The following TLL1 variants were observed in gnomAD, a reference collection of about 807,000 sequenced individuals.
TLL1 encodes tolloid like 1.
TLL1 carries 49 observed loss-of-function variants against 128.2 expected under a neutral mutation model. The ratio of observed to expected loss-of-function variants is 0.38; its 90% confidence interval spans 0.30 to 0.48. TLL1 has a LOEUF of 0.48. Ranked by LOEUF, TLL1 falls within the 20% of genes least tolerant of loss-of-function variation. TLL1 has a pLI of 0.96. For synonymous variants in TLL1, 454 were observed against 418.8 expected (o/e 1.08, Z -1.03); for missense variants, 1,123 against 1,242.0 (o/e 0.90, Z 1.44).
intron 1 of TLL1, among the ~76,000 whole-genome samples, chr4:165,972,747 T>A (rs1735682679): frequency 6.6e-6 from 1 of 152,158 alleles, no homozygotes; most frequent in South Asian, 2.1e-4. Flanking sequence ...CTATCTATCT[T>A]TTCAGGATTC....
intron 1 of TLL1, among the ~76,000 whole-genome samples, chr4:165,956,797 T>A (rs1449052122): frequency 6.6e-6 from 1 of 152,090 alleles, no homozygotes; most frequent in Non-Finnish European, 1.5e-5. Context: ...ATTTGGGAAC[T>A]GATAAATGTC....
chr4:165,956,784 A>G (rs1734820237), intron 1 of TLL1, among the ~76,000 whole-genome samples: 1 of 152,128 alleles, frequency 6.6e-6, no homozygotes, highest in Non-Finnish European at 1.5e-5. Flanking sequence ...TTATAAAAGT[A>G]TAATTTGGGA....
chr4:165,890,259 C>T (rs545542458), intron 1 of TLL1, among the ~76,000 whole-genome samples: 4 of 152,270 alleles, frequency 2.6e-5, no homozygotes, highest in South Asian at 4.1e-4. Flanking sequence ...TGGGTGTGGA[C>T]ACAGCCAAAC....
intron 15 of TLL1, among the ~76,000 whole-genome samples, chr4:166,060,797 C>A (rs1013281673): frequency 1.3e-5 from 2 of 152,052 alleles, no homozygotes; most frequent in Non-Finnish European, 2.9e-5. Flanking sequence ...TGTGCTAGTG[C>A]ACACACACAC....
intron 1 of TLL1, among the ~76,000 whole-genome samples, chr4:165,936,160 T>A (rs116125691): frequency 0.017 from 2,617 of 150,100 alleles, 59 homozygotes; most frequent in African/African-American, 0.06. Flanking sequence ...TAGCCCACTA[T>A]AATTAAAATA....
chr4:166,062,156 C>T (rs552763445), intron 15 of TLL1, among the ~76,000 whole-genome samples: 2 of 152,248 alleles, frequency 1.3e-5, no homozygotes, highest in East Asian at 1.9e-4. Context: ...TAGCATGATG[C>T]CTCCAGCTTT....
At chr4:166,044,294 G>A in intron 12 of TLL1, 2 of 1,366,072 alleles carry the variant, frequency 1.5e-6, no homozygotes, top group Non-Finnish European at 2.0e-6. Flanking sequence ...CCAGTGGGTA[G>A]TAATGAGCAC....
At chr4:166,068,441 A>C (rs1269417798) in intron 16 of TLL1, among the ~76,000 whole-genome samples, 1 of 151,878 alleles carries the variant, frequency 6.6e-6, no homozygotes, top group Non-Finnish European at 1.5e-5. Context: ...AAAGCCAAGT[A>C]ATTCACTGTA....
chr4:165,971,417 TTG>T (rs1735623729), intron 1 of TLL1, among the ~76,000 whole-genome samples: 1 of 152,222 alleles, frequency 6.6e-6, no homozygotes, highest in Admixed American at 6.5e-5. Context: ...ATTCCCATTG[TTG>T]TGTGACAGCA....
rs567906850 is a variant in TLL1, at chr4:165,895,106, G to C, written c.169+21033G>C. Among the ~76,000 whole-genome samples, 8 of 152,186 alleles carry C rather than the reference G, an allele frequency of 5.3e-5. No homozygotes were observed. In the East Asian group the frequency reaches 1.4e-3, roughly 26 times the overall value. ...TGTTAAGGCCTGCTTGCATTCCTGG[G>C]AAGAACCACACCTGATCTTGTCAAT... On this transcript the variant is annotated intron_variant, in intron 1 of 20. Transcript: ENST00000061240.
chr4:165,975,942 A>G (rs1735856951), intron 1 of TLL1, among the ~76,000 whole-genome samples: 1 of 145,534 alleles, frequency 6.9e-6, no homozygotes, highest in Admixed American at 7.4e-5. Context: ...GGAGGCTGAG[A>G]CAGGAGAATT....
At chr4:166,021,264 T>C (rs992976295) in intron 8 of TLL1, among the ~76,000 whole-genome samples, 1 of 152,062 alleles carries the variant, frequency 6.6e-6, no homozygotes. Context: ...AATTTATTCA[T>C]GGATATGTTT....
chr4:165,995,240 A>G lies in TLL1; in HGVS notation c.632+62A>G, dbSNP rs530697564. On this transcript the variant is annotated intron_variant, in intron 5 of 20. Transcript: ENST00000061240. The stretch of plus-strand genomic sequence containing the variant: ...AAAAAATTAAAAGGAAAACAATTAA[A>G]TGTCCATAGGTAAGATTTATTTCTT... 4.3e-5 allele frequency: 50 copies of G among 1,155,272 alleles called. No individual in the cohort carries two copies. The South Asian group carries it at 5.9e-4, about 14-fold the overall frequency. The allele number at this position is 1,155,272 out of a possible 1,614,324, so 71.6% of individuals were successfully genotyped here. A position where few individuals can be genotyped will look rare whatever the true frequency, so the allele number is the denominator to read the frequency against.
chr4:165,983,652 A>G (rs1332028424), intron 1 of TLL1, among the ~76,000 whole-genome samples: 1 of 151,910 alleles, frequency 6.6e-6, no homozygotes, highest in African/African-American at 2.4e-5. Flanking sequence ...TTAAAAAGTA[A>G]TTGAAGAAGA....
chr4:166,099,565 A>G (rs767514518), intron 20 of TLL1, 38 bp downstream of exon 20: 35 of 1,612,518 alleles, frequency 2.2e-5, no homozygotes, highest in Admixed American at 5.0e-5. Flanking sequence ...AGACATGATT[A>G]AAGATGCCTA....
intron 1 of TLL1, among the ~76,000 whole-genome samples, chr4:165,889,967 G>A (rs985984601): frequency 6.6e-6 from 1 of 152,134 alleles, no homozygotes; most frequent in Non-Finnish European, 1.5e-5. Flanking sequence ...ATAAAGGAAA[G>A]AGGTTTAATT....
chr4:165,900,166 G>A (rs373461492), intron 1 of TLL1, among the ~76,000 whole-genome samples: 10 of 151,612 alleles, frequency 6.6e-5, no homozygotes, highest in Middle Eastern at 3.5e-3. Context: ...ACAGCATGCC[G>A]ATGGGTCTTG....
intron 6 of TLL1, among the ~76,000 whole-genome samples, chr4:166,006,626 C>T (rs191750170): frequency 8.9e-4 from 135 of 151,718 alleles, no homozygotes; most frequent in Non-Finnish European, 1.4e-3. Flanking sequence ...TAACAGTTGC[C>T]TCTATCATGG....
chr4:165,883,825 G>A (rs1164340904), intron 1 of TLL1, among the ~76,000 whole-genome samples: 1 of 152,130 alleles, frequency 6.6e-6, no homozygotes, highest in Admixed American at 6.6e-5. Context: ...GATACCAGAG[G>A]CAACCGATAG....
Sources: allele counts gnomAD v4.1 joint callset (sites outside exome capture counted in the v4.1 genomes callset), GRCh38; gene constraint gnomAD v4.1.1; transcripts MANE v1.5; gene names NCBI Gene and HGNC (gene_info 2026-07-23, HGNC 2026-07-21).